The following CEP290 variants were observed in gnomAD, a reference collection of about 807,000 sequenced individuals.
CEP290 encodes the protein centrosomal protein 290.
CEP290 carries 317 observed loss-of-function variants against 344.9 expected under a neutral mutation model. The observed-to-expected ratio is 0.92, with a 90% CI of 0.84 to 1.01. CEP290 has a LOEUF of 1.01. Ranked by LOEUF, CEP290 falls within the 50% of genes least tolerant of loss-of-function variation. The pLI is 0.00. For missense variants in CEP290, 2,754 were observed against 2,761.4 expected (o/e 1.00, Z 0.06); for synonymous variants, 932 against 895.8 (o/e 1.04, Z -0.72).
At chr12:88,078,111 T>A in intron 39 of CEP290, among the ~76,000 whole-genome samples, 193 bp from the exon 40 acceptor site, 2 of 149,006 alleles carry the variant, frequency 1.3e-5, no homozygotes. Context: ...AGGAAAAAAG[T>A]CGACTTTGAG....
At chr12:88,105,710 A>G (rs1395873630) in intron 25 of CEP290, among the ~76,000 whole-genome samples, 1 of 151,736 alleles carries the variant, frequency 6.6e-6, no homozygotes, top group East Asian at 1.9e-4. Flanking sequence ...ATGGAGGTAT[A>G]TGGTTATCTT....
In CEP290 at chr12:88,129,123, T is replaced by C. The variant is rs928038430; in HGVS notation, c.853-88A>G. ...CATATTTACATATACATTATATATA[T>C]AAATATATCTACATACACACACATA... On this transcript the variant is annotated intron_variant, in intron 10 of 53. Transcript: ENST00000552810. 1.5e-5 allele frequency: 9 copies of C among 593,480 alleles called. No homozygotes were observed. In the African/African-American group the frequency reaches 1.6e-4, roughly 11 times the overall value. The allele number at this position is 593,480 out of a possible 1,614,324, so 36.8% of individuals were successfully genotyped here.
In CEP290 at chr12:88,083,179, G is replaced by T; in HGVS notation, c.4864C>A (p.Arg1622Ser). The T allele has an allele frequency of 6.5e-7, 1 of 1,532,120 alleles. No individual in the cohort carries two copies. Among genetic ancestry groups the T allele is most frequent in the Non-Finnish European group, 8.8e-7 (1 of 1,142,522 alleles). The allele number at this position is 1,532,120 out of a possible 1,614,324, so 94.9% of individuals were successfully genotyped here. A position where few individuals can be genotyped will look rare whatever the true frequency, so the allele number is the denominator to read the frequency against. Residue 1622 changes from arginine to serine, a missense_variant, in exon 37 of 54, where the codon CGT (arginine) becomes AGT (serine). Arg to Ser is a moderately radical substitution (Grantham distance 110). Coordinates refer to ENST00000552810, the MANE Select transcript of CEP290 (RefSeq NM_025114.4). ...TPVPTNKHFI[R>S]LAEMEQTVAE... ...ACTGTCTGTTCCATCTCAGCCAGAC[G>T]AATAAAATGCTTGTTGGTAGGAACT...
At position 88,071,467 on chromosome 12, in the gene CEP290, G is replaced by GA. The variant is rs1225413837; in HGVS notation, c.5856-19dup. The GA allele has an allele frequency of 3.2e-6, 5 of 1,580,650 alleles. No homozygotes were observed. Among genetic ancestry groups the GA allele is most frequent in the Non-Finnish European group, 4.3e-6 (5 of 1,168,516 alleles). On this transcript the variant is annotated intron_variant, in intron 42 of 53. Transcript: ENST00000552810. The stretch of plus-strand genomic sequence containing the variant: ...TATCGGCTCTGTGGAATTTAATATA[G>GA]AATCATGAAATATACCATTCAGTGT...
Position 88,079,078 on chromosome 12 carries a change from G to A in CEP290, c.5364+14C>T, listed in dbSNP as rs529387927. On this transcript the variant is annotated intron_variant, in intron 39 of 53. Coordinates refer to ENST00000552810, the MANE Select transcript of CEP290 (RefSeq NM_025114.4). ...ATCAGAAATTTTGTTACATTAACAC[G>A]TGTTGATGTTCACCTTTAGCTCTCT... The A allele has an allele frequency of 1.0e-4, 162 of 1,547,754 alleles. 1 individual carries two copies. Among genetic ancestry groups the A allele is most frequent in the African/African-American group, 1.1e-4 (8 of 71,226 alleles).
chr12:88,103,738 G>A lies in CEP290; in HGVS notation c.2818-727C>T, dbSNP rs535791551. ...AGGAATAATCAAATTTATGAATGAGGAAGTAAAAAAACTTACGGTTGTAAT... is the reference window on the plus strand; with the variant it reads ...AGGAATAATCAAATTTATGAATGAGAAAGTAAAAAAACTTACGGTTGTAAT... On this transcript the variant is annotated intron_variant, in intron 25 of 53. Transcript: ENST00000552810. 5.9e-5 allele frequency: 9 copies of A among 151,528 alleles called. 1 individual carries two copies. Among genetic ancestry groups the A allele is most frequent in the African/African-American group, 2.2e-4 (9 of 41,074 alleles). The allele number at this position is 151,528 out of a possible 1,614,324, so 9.4% of individuals were successfully genotyped here.
At chr12:88,122,895 T>C (rs2039495938) in intron 13 of CEP290, among the ~76,000 whole-genome samples, 1 of 152,100 alleles carries the variant, frequency 6.6e-6, no homozygotes, top group Non-Finnish European at 1.5e-5. Context: ...TTCACTTCTC[T>C]TCTTTCTCCT....
In CEP290 at chr12:88,094,202, TA is replaced by T. The variant is rs574670258; in HGVS notation, c.3104-228del. 6.9e-4 allele frequency among the ~76,000 whole-genome samples: 100 copies of T among 145,816 alleles called. 2 individuals carry two copies. Among genetic ancestry groups the T allele is most frequent in the East Asian group, 3.6e-3 (18 of 5,060 alleles). ...TAATGTTCTTCATCAATCAAATGAT[TA>T]AAAAAAAAAACCTATTCCTCACAGA... is the stretch of plus-strand genomic sequence containing the variant. On this transcript the variant is annotated intron_variant, in intron 27 of 53. Transcript: ENST00000552810.
In CEP290 at chr12:88,103,022, AAAGATACACTGAGTT is replaced by A; in HGVS notation, c.2818-26_2818-12del. On this transcript the variant is annotated splice_polypyrimidine_tract_variant and intron_variant, in intron 25 of 53. Transcript: ENST00000552810. ...GAAAATGGCCATTTCCTATGTAAAT[AAAGATACACTGAGTT>A]ATGCTGGTGTCTTTTTTTCTGGTCA... 2 of 1,518,796 alleles carry A rather than the reference AAAGATACACTGAGTT, an allele frequency of 1.3e-6. No homozygotes were observed. Among genetic ancestry groups the A allele is most frequent in the African/African-American group, 2.8e-5 (2 of 70,638 alleles). 94.1% of individuals were successfully genotyped at this position (1,518,796 alleles called of 1,614,324 possible). A position where few individuals can be genotyped will look rare whatever the true frequency, so the allele number is the denominator to read the frequency against.
At position 88,110,925 on chromosome 12, in the gene CEP290, G is replaced by A. The variant is rs375443680; in HGVS notation, c.2367+277C>T. ...GTGTGCGAACAAGATGTATGAACAT[G>A]CTGCTCATGCAGATGAATGGAATGA... On this transcript the variant is annotated intron_variant, in intron 22 of 53. Transcript: ENST00000552810. Among the ~76,000 whole-genome samples, 11 of 152,198 alleles carry A rather than the reference G, an allele frequency of 7.2e-5. 1 individual carries two copies. The East Asian group carries it at 1.7e-3, about 24-fold the overall frequency.
In CEP290 at chr12:88,086,570, T is replaced by C. The variant is rs910451105; in HGVS notation, c.4195-72A>G. ...GCACATAACAGGCATTTTATATATA[T>C]TTTCTTATCTAATCCTCACAACACA... On this transcript the variant is annotated intron_variant, in intron 32 of 53. Transcript: ENST00000552810. 3 of 1,000,886 alleles carry C rather than the reference T, an allele frequency of 3.0e-6. No homozygotes were observed. The African/African-American group carries it at 4.9e-5, about 16-fold the overall frequency. 62.0% of individuals were successfully genotyped at this position (1,000,886 alleles called of 1,614,324 possible). A position where few individuals can be genotyped will look rare whatever the true frequency, so the allele number is the denominator to read the frequency against.
chr12:88,086,452 A>G lies in CEP290; in HGVS notation c.4241T>C (p.Leu1414Pro). The part of the protein sequence containing the change: ...QMAWDQREVD[L>P]ERQLDIFDRQ... ...GTCAAAAATGTCTAGTTGGCGTTCC[A>G]GGTCAACTTCTCTTTGATCCCAGGC... The change falls in exon 33 of 54, where the codon CTG (leucine) becomes CCG (proline). Residue 1414 changes from leucine (L) to proline (P), a missense_variant. Leu to Pro is a moderately conservative substitution (Grantham distance 98). Transcript: ENST00000552810. 1 of 1,600,900 alleles carries G rather than the reference A, an allele frequency of 6.2e-7. No individual in the cohort carries two copies.
At chr12:88,135,399 G>C (rs985212604) in intron 6 of CEP290, among the ~76,000 whole-genome samples, 1 of 152,084 alleles carries the variant, frequency 6.6e-6, no homozygotes, top group African/African-American at 2.4e-5. Context: ...CTATATAGAA[G>C]AACAAAAGTC....
At chr12:88,139,100 T>C (rs762477943) in intron 5 of CEP290, 45 bp downstream of exon 5, 6 of 985,458 alleles carry the variant, frequency 6.1e-6, no homozygotes, top group East Asian at 5.3e-5. Context: ...CAATTCAAAA[T>C]AAAATTAATG....
chr12:88,065,287 A>G (rs1478595435), intron 44 of CEP290, among the ~76,000 whole-genome samples: 1 of 152,138 alleles, frequency 6.6e-6, no homozygotes, highest in Non-Finnish European at 1.5e-5. Context: ...TACCTATTAT[A>G]CACAACTTTA....
Position 88,103,031 on chromosome 12 carries a change from C to A in CEP290, c.2818-20G>T. ...CATTTCCTATGTAAATAAAGATACA[C>A]TGAGTTATGCTGGTGTCTTTTTTTC... On this transcript the variant is annotated intron_variant, in intron 25 of 53. Coordinates refer to ENST00000552810, the MANE Select transcript of CEP290 (RefSeq NM_025114.4). The A allele has an allele frequency of 6.8e-7, 1 of 1,476,166 alleles. No individual in the cohort carries two copies. Among genetic ancestry groups the A allele is most frequent in the South Asian group, 1.5e-5 (1 of 68,016 alleles). The allele number at this position is 1,476,166 out of a possible 1,614,324, so 91.4% of individuals were successfully genotyped here.
In CEP290 at chr12:88,111,234, AATT is replaced by A. The variant is rs2038666741; in HGVS notation, c.2332_2334del (p.Asn778del). 3 of 1,438,608 alleles carry A rather than the reference AATT, an allele frequency of 2.1e-6. No individual in the cohort carries two copies. Among genetic ancestry groups the A allele is most frequent in the Admixed American group, 2.8e-5 (1 of 35,548 alleles). 89.1% of individuals were successfully genotyped at this position (1,438,608 alleles called of 1,614,324 possible). A position where few individuals can be genotyped will look rare whatever the true frequency, so the allele number is the denominator to read the frequency against. On this transcript the variant is annotated inframe_deletion, in exon 22 of 54. Transcript: ENST00000552810. ...AAATGTATTAAATATTCATTCTGAG[AATT>A]AATGATACTGGCACTAGATGGTGCT...
At chr12:88,092,414 G>A (rs1348468200) in intron 29 of CEP290, among the ~76,000 whole-genome samples, 1 of 152,014 alleles carries the variant, frequency 6.6e-6, no homozygotes, top group East Asian at 1.9e-4. Flanking sequence ...ATCAATATGT[G>A]GAGGAACTGG....
intron 26 of CEP290, among the ~76,000 whole-genome samples, chr12:88,097,872 C>T (rs2471535): frequency 0.88 from 134,054 of 152,070 alleles, 59,965 homozygotes; most frequent in East Asian, 0.99. Context: ...ATGATGTTTA[C>T]AGTGAAAAGA....
Sources: allele counts gnomAD v4.1 joint callset (sites outside exome capture counted in the v4.1 genomes callset), GRCh38; gene constraint gnomAD v4.1.1; transcripts MANE v1.5; gene names NCBI Gene and HGNC (gene_info 2026-07-23, HGNC 2026-07-21).